DTWD2: variants seen among roughly 807,000 people sequenced by gnomAD.
DTWD2 encodes DTW motif tRNA-uridine aminocarboxypropyltransferase 2, also known as tRNA-uridine aminocarboxypropyltransferase 2.
In DTWD2, 39 loss-of-function variants were observed where a neutral mutation model predicts 31.8. The ratio of observed to expected loss-of-function variants is 1.22; its 90% CI spans 0.95 to 1.60. The LOEUF (loss-of-function observed/expected upper bound fraction) is 1.60, where lower values mean the gene tolerates loss of function less well. Ranked by LOEUF, DTWD2 falls within the 40% of genes most tolerant of loss-of-function variation. The probability of loss-of-function intolerance (pLI) is 0.00; values close to 1 mark genes in which losing one functional copy is unlikely to be tolerated. For synonymous variants in DTWD2, 180 were observed against 142.8 expected (o/e 1.26, Z -1.86); for missense variants, 515 against 381.5 (o/e 1.35, Z -2.92).
rs1580757008 is a variant in DTWD2, at chr5:118,838,763, A to C, written c.*2154T>G. 2 of 68,922 alleles carry C rather than the reference A, an allele frequency of 2.9e-5. No homozygotes were observed. Among genetic ancestry groups the C allele is most frequent in the Admixed American group, 1.3e-4 (1 of 7,880 alleles). 4.3% of individuals were successfully genotyped at this position (68,922 alleles called of 1,614,324 possible). A position where few individuals can be genotyped will look rare whatever the true frequency, so the allele number is the denominator to read the frequency against. On this transcript the variant is annotated 3_prime_UTR_variant, in exon 6 of 6. Transcript: ENST00000510708. ...TAAATTTTAAGCTTTTTAAGTCTTC[A>C]AAAATACTCTAAAATGTTTTATTTA...
intron 2 of DTWD2, among the ~76,000 whole-genome samples, chr5:118,942,007 T>C (rs111493574): frequency 0.38 from 57,291 of 152,078 alleles, 13,574 homozygotes; most frequent in African/African-American, 0.68. Flanking sequence ...ATATCCTTTG[T>C]CCACTTTTTG....
intron 4 of DTWD2, among the ~76,000 whole-genome samples, chr5:118,903,826 T>C (rs1403715569): frequency 6.6e-6 from 1 of 152,058 alleles, no homozygotes; most frequent in African/African-American, 2.4e-5. Flanking sequence ...TAATCTTGTC[T>C]GCTTATATAT....
At chr5:118,890,555 G>C (rs1195314661) in intron 4 of DTWD2, among the ~76,000 whole-genome samples, 1 of 139,194 alleles carries the variant, frequency 7.2e-6, no homozygotes, top group Non-Finnish European at 1.5e-5. Context: ...GGGGCTTTTA[G>C]GTTTTCCTTT....
intron 4 of DTWD2, among the ~76,000 whole-genome samples, chr5:118,855,109 G>A (rs574849259): frequency 6.6e-6 from 1 of 151,094 alleles, no homozygotes; most frequent in East Asian, 2.0e-4. Context: ...TCAGGCTGCA[G>A]TGAGCCATGA....
At chr5:118,880,258 T>A (rs1367009338) in intron 4 of DTWD2, among the ~76,000 whole-genome samples, 1 of 152,220 alleles carries the variant, frequency 6.6e-6, no homozygotes, top group Non-Finnish European at 1.5e-5. Context: ...AAAATTAGGA[T>A]ATGTCTTATA....
intron 1 of DTWD2, among the ~76,000 whole-genome samples, chr5:118,977,824 A>G (rs1488666351): frequency 2.0e-5 from 3 of 152,234 alleles, no homozygotes; most frequent in African/African-American, 7.2e-5. Context: ...CAGTATTAGG[A>G]AAAACTATTT....
At chr5:118,885,862 G>T (rs1248876499) in intron 4 of DTWD2, among the ~76,000 whole-genome samples, 1 of 152,118 alleles carries the variant, frequency 6.6e-6, no homozygotes, top group East Asian at 1.9e-4. Context: ...CTACTTAGGG[G>T]GCTGAGGTGT....
At chr5:118,869,834 C>A (rs796108954) in intron 4 of DTWD2, among the ~76,000 whole-genome samples, 5 of 152,274 alleles carry the variant, frequency 3.3e-5, no homozygotes, top group African/African-American at 1.2e-4. Context: ...AAATCTCATG[C>A]TGAAATGTCT....
At chr5:118,954,238 T>C (rs1243221133) in intron 1 of DTWD2, among the ~76,000 whole-genome samples, 8 of 152,164 alleles carry the variant, frequency 5.3e-5, no homozygotes, top group Non-Finnish European at 1.0e-4. Context: ...ACCACTGTAC[T>C]CCAGCCTGGG....
At chr5:118,977,647 T>C (rs1022856743) in intron 1 of DTWD2, among the ~76,000 whole-genome samples, 2 of 152,144 alleles carry the variant, frequency 1.3e-5, no homozygotes, top group African/African-American at 4.8e-5. Flanking sequence ...GAAGGACCTC[T>C]TTAAGGAGAA....
intron 4 of DTWD2, among the ~76,000 whole-genome samples, chr5:118,881,911 G>A (rs909930007): frequency 3.9e-5 from 6 of 152,060 alleles, no homozygotes; most frequent in Admixed American, 1.3e-4. Context: ...ATATCATTCC[G>A]TCCCTGCCCC....
intron 4 of DTWD2, among the ~76,000 whole-genome samples, chr5:118,912,383 G>GA (rs919408627): frequency 2.6e-5 from 4 of 151,594 alleles, no homozygotes; most frequent in African/African-American, 7.3e-5. Context: ...AGTACCTTTA[G>GA]AAAAAAAAAT....
chr5:118,917,709 T>G (rs1464851251), intron 4 of DTWD2, among the ~76,000 whole-genome samples: 1 of 152,150 alleles, frequency 6.6e-6, no homozygotes, highest in African/African-American at 2.4e-5. Flanking sequence ...CAGTGGCTCA[T>G]GCCTATAATC....
At chr5:118,940,839 T>G (rs1754162430) in intron 2 of DTWD2, among the ~76,000 whole-genome samples, 1 of 152,066 alleles carries the variant, frequency 6.6e-6, no homozygotes, top group Non-Finnish European at 1.5e-5. Flanking sequence ...CTAATACCAC[T>G]CCTTCCTCTC....
chr5:118,979,197 G>A (rs187425833), intron 1 of DTWD2, among the ~76,000 whole-genome samples: 4 of 152,158 alleles, frequency 2.6e-5, no homozygotes, highest in South Asian at 2.1e-4. Context: ...CCAGCTACTC[G>A]GGAGGCTGAG....
In DTWD2 at chr5:118,988,289, G is replaced by A. The variant is rs1455792022; in HGVS notation, c.218+5C>T. 2.0e-6 allele frequency: 3 copies of A among 1,523,220 alleles called. No individual in the cohort carries two copies. Among genetic ancestry groups the A allele is most frequent in the Admixed American group, 2.0e-5 (1 of 48,976 alleles). 94.4% of individuals were successfully genotyped at this position (1,523,220 alleles called of 1,614,324 possible). A position where few individuals can be genotyped will look rare whatever the true frequency, so the allele number is the denominator to read the frequency against. The stretch of plus-strand genomic sequence containing the variant: ...TGCAGTCCCCGCCCCCAGCCCCGCG[G>A]TCACCTGCAGCGGGTGCACTCAGGC... On this transcript the variant is annotated splice_donor_5th_base_variant and intron_variant, in intron 1 of 5. Transcript: ENST00000510708.
chr5:118,886,922 T>C (rs1451345955), intron 4 of DTWD2, among the ~76,000 whole-genome samples: 1 of 152,084 alleles, frequency 6.6e-6, no homozygotes, highest in Non-Finnish European at 1.5e-5. Flanking sequence ...TTTATAAGGG[T>C]AGAAAATTTG....
intron 5 of DTWD2, among the ~76,000 whole-genome samples, chr5:118,841,951 C>T (rs1293244509): frequency 6.6e-6 from 1 of 152,042 alleles, no homozygotes; most frequent in African/African-American, 2.4e-5. Context: ...GATTTAACTA[C>T]AAAAAATTCA....
chr5:118,951,956 A>T (rs1754474930), intron 1 of DTWD2, among the ~76,000 whole-genome samples: 1 of 152,188 alleles, frequency 6.6e-6, no homozygotes, highest in South Asian at 2.1e-4. Flanking sequence ...CTGGCACCGG[A>T]GTTTTAGGTT....
Sources: gnomAD v4.1 joint callset for allele counts (sites outside exome capture counted in the v4.1 genomes callset) on GRCh38, gnomAD v4.1.1 for gene constraint, MANE v1.5 for transcripts, NCBI Gene and HGNC (gene_info 2026-07-23, HGNC 2026-07-21) for gene names.